Variants in SGPP2 observed in about 807,000 individuals in gnomAD.
SGPP2 encodes the protein sphingosine-1-phosphate phosphatase 2.
Under a neutral mutation model 33.9 loss-of-function variants are expected in SGPP2, and 30 were observed. The observed-to-expected ratio is 0.89, with a 90% CI of 0.66 to 1.20. The LOEUF (loss-of-function observed/expected upper bound fraction) is 1.20. Among genes scored for constraint, SGPP2 ranks in the 50% most tolerant of loss-of-function variants. SGPP2 has a pLI of 0.00. For missense variants in SGPP2, 458 were observed against 532.1 expected (o/e 0.86, Z 1.37); for synonymous variants, 233 against 225.0 (o/e 1.04, Z -0.32).
chr2:222,468,766 C>T (rs1697793598), intron 1 of SGPP2, among the ~76,000 whole-genome samples: 1 of 152,206 alleles, frequency 6.6e-6, no homozygotes, highest in South Asian at 2.1e-4. Context: ...TTCCACCATG[C>T]AGTCAATCTG....
intron 2 of SGPP2, among the ~76,000 whole-genome samples, chr2:222,509,047 C>T (rs914276562): frequency 6.6e-6 from 1 of 151,992 alleles, no homozygotes; most frequent in East Asian, 1.9e-4. Context: ...TAGAGTGTTT[C>T]CAAATAACCA....
At chr2:222,498,016 A>C (rs1311858946) in intron 2 of SGPP2, among the ~76,000 whole-genome samples, 1 of 152,164 alleles carries the variant, frequency 6.6e-6, no homozygotes, top group Non-Finnish European at 1.5e-5. Context: ...ATGACCCAGC[A>C]GTGGTAGAAA....
In SGPP2 at chr2:222,558,842, G is replaced by A; in HGVS notation, c.1144G>A (p.Gly382Ser). Residue 382 changes from glycine (G) to serine (S), a missense_variant, in exon 5 of 5, where the codon GGC (glycine) becomes AGC (serine). Physicochemically the swap from Gly to Ser is moderately conservative, Grantham distance 56. Coordinates refer to ENST00000321276, the MANE Select transcript of SGPP2 (RefSeq NM_152386.4). Reference sequence around the variant, plus strand: ...CAAGTTTGTTACCTACACATCTGTTGGCATCTGCGCTACAACCTTTGTGCC... The same window carrying A: ...CAAGTTTGTTACCTACACATCTGTTAGCATCTGCGCTACAACCTTTGTGCC... ...PYKFVTYTSV[G>S]ICATTFVPML... 1.9e-6 allele frequency: 3 copies of A among 1,614,070 alleles called. No homozygotes were observed. The highest frequency in any genetic ancestry group is 2.5e-6 in the Non-Finnish European group (3 of 1,179,968).
At position 222,460,768 on chromosome 2, in the gene SGPP2, A is replaced by G. The variant is rs72966733; in HGVS notation, c.220-13800A>G. Among the ~76,000 whole-genome samples the G allele has an allele frequency of 0.02, 3,084 of 151,952 alleles. 59 individuals carry two copies. The highest frequency in any genetic ancestry group is 0.034 in the Non-Finnish European group (2,331 of 67,976). On this transcript the variant is annotated intron_variant, in intron 1 of 4. Transcript: ENST00000321276. The surrounding 1 kb of genome is among the most constrained non-coding windows in gnomAD (Gnocchi z 4.3). ...CTGTTTCAGGAACACGGTGCCTCAC[A>G]GCTTCCATGCCTCTCCTCTTGCTGT...
chr2:222,473,026 A>G (rs1697872235), intron 1 of SGPP2, among the ~76,000 whole-genome samples: 1 of 152,146 alleles, frequency 6.6e-6, no homozygotes, highest in Non-Finnish European at 1.5e-5. Flanking sequence ...AAAAACAAAC[A>G]AACAAAAAAT....
intron 2 of SGPP2, among the ~76,000 whole-genome samples, chr2:222,488,852 C>T (rs1476913182): frequency 6.6e-6 from 1 of 152,094 alleles, no homozygotes; most frequent in Non-Finnish European, 1.5e-5. Flanking sequence ...GTTTTTGTTC[C>T]TTTTAAAATT....
intron 4 of SGPP2, among the ~76,000 whole-genome samples, chr2:222,535,787 C>T (rs1191188773): frequency 6.6e-6 from 1 of 152,190 alleles, no homozygotes; most frequent in Non-Finnish European, 1.5e-5. Flanking sequence ...GAAGTGGGGA[C>T]CTCCCTGAGG....
intron 4 of SGPP2, among the ~76,000 whole-genome samples, chr2:222,532,294 A>C (rs747148934): frequency 3.3e-5 from 5 of 151,854 alleles, no homozygotes; most frequent in Non-Finnish European, 5.9e-5. Context: ...AAAAAAGAAA[A>C]GAAAAAAGAA....
intron 1 of SGPP2, among the ~76,000 whole-genome samples, chr2:222,440,503 C>T (rs1461323620): frequency 1.3e-5 from 2 of 151,706 alleles, no homozygotes; most frequent in African/African-American, 2.4e-5. Flanking sequence ...CCACCATGCC[C>T]GGCTAATTTT....
At chr2:222,519,871 T>A (rs1698657657) in intron 2 of SGPP2, among the ~76,000 whole-genome samples, 1 of 152,248 alleles carries the variant, frequency 6.6e-6, no homozygotes, top group Non-Finnish European at 1.5e-5. Context: ...CTGTGTAGTA[T>A]TCCATAGTGT....
chr2:222,502,746 C>T lies in SGPP2; in HGVS notation c.379-19021C>T, dbSNP rs528458888. Among the ~76,000 whole-genome samples, 12 of 152,280 alleles carry T rather than the reference C, an allele frequency of 7.9e-5. No homozygotes were observed. The South Asian group carries it at 2.5e-3, about 32-fold the overall frequency. ...AGCTGCTTATTATCAATACACCATG[C>T]TGAGAAGCTCTAGCTTGCTGTTGCT... On this transcript the variant is annotated intron_variant, in intron 2 of 4. Transcript: ENST00000321276.
intron 2 of SGPP2, among the ~76,000 whole-genome samples, chr2:222,487,102 A>G (rs115930307): frequency 0.018 from 2,730 of 152,256 alleles, 32 homozygotes; most frequent in Non-Finnish European, 0.026. Context: ...CTCATGATGA[A>G]TGTGTGAGAA....
At chr2:222,437,937 T>C (rs1337664905) in intron 1 of SGPP2, among the ~76,000 whole-genome samples, 1 of 152,152 alleles carries the variant, frequency 6.6e-6, no homozygotes, top group Non-Finnish European at 1.5e-5. Context: ...CACTGACACC[T>C]CAAGCACCAT....
intron 1 of SGPP2, among the ~76,000 whole-genome samples, chr2:222,454,840 T>C (rs1697547743): frequency 6.6e-6 from 1 of 151,996 alleles, no homozygotes; most frequent in Non-Finnish European, 1.5e-5. Context: ...TCCTTGGGTG[T>C]CATTAAGAAC....
chr2:222,466,253 CTTTTTT>C (rs34005867), intron 1 of SGPP2, among the ~76,000 whole-genome samples: 2 of 104,712 alleles, frequency 1.9e-5, no homozygotes, highest in Middle Eastern at 0.011. Context: ...CTGTTTTCAA[CTTTTTT>C]TTTTTTTTTT....
intron 4 of SGPP2, among the ~76,000 whole-genome samples, chr2:222,532,517 C>T (rs1698854093): frequency 1.3e-5 from 2 of 152,216 alleles, no homozygotes; most frequent in South Asian, 2.1e-4. Flanking sequence ...GCTGTGTCAT[C>T]ATCCTCACCA....
At chr2:222,444,721 G>A (rs982413689) in intron 1 of SGPP2, among the ~76,000 whole-genome samples, 2 of 152,162 alleles carry the variant, frequency 1.3e-5, no homozygotes, top group Non-Finnish European at 2.9e-5. Flanking sequence ...CCTCCAAGAC[G>A]CCTGATAGAA....
chr2:222,495,842 C>T (rs1452328527), intron 2 of SGPP2, among the ~76,000 whole-genome samples: 1 of 152,188 alleles, frequency 6.6e-6, no homozygotes, highest in Non-Finnish European at 1.5e-5. Flanking sequence ...AATTAAGTTT[C>T]TCTCCATCTA....
intron 4 of SGPP2, among the ~76,000 whole-genome samples, chr2:222,541,765 C>A (rs1175740693): frequency 6.6e-6 from 1 of 151,950 alleles, no homozygotes; most frequent in Non-Finnish European, 1.5e-5. Context: ...AGGCATGTAC[C>A]ACCATGCCCA....
Sources: allele counts gnomAD v4.1 joint callset (sites outside exome capture counted in the v4.1 genomes callset), GRCh38; gene constraint gnomAD v4.1.1; non-coding constraint Gnocchi (gnomAD v3.1); transcripts MANE v1.5; gene names NCBI Gene and HGNC (gene_info 2026-07-23, HGNC 2026-07-21).